The following MGMT variants were observed in gnomAD, a reference collection of about 807,000 sequenced individuals.
MGMT encodes methylated-DNA--protein-cysteine methyltransferase.
MGMT carries 14 observed loss-of-function variants against 15.9 expected under a neutral mutation model. The ratio of observed to expected loss-of-function variants is 0.88; its 90% CI spans 0.58 to 1.37. The LOEUF (loss-of-function observed/expected upper bound fraction) is 1.37, where lower values mean the gene tolerates loss of function less well. Ranked by LOEUF, MGMT falls within the 40% of genes most tolerant of loss-of-function variation. The pLI is 0.00. For missense variants in MGMT, 282 were observed against 268.1 expected (o/e 1.05, Z -0.36); for synonymous variants, 130 against 118.2 (o/e 1.10, Z -0.65).
intron 1 of MGMT, among the ~76,000 whole-genome samples, chr10:129,486,008 G>C (rs960773666): frequency 3.9e-5 from 6 of 152,144 alleles, no homozygotes; most frequent in African/African-American, 1.2e-4. Context: ...TTTTCAAGAA[G>C]ACTTAATTTA....
chr10:129,657,454 G>T (rs1458693764), intron 2 of MGMT, among the ~76,000 whole-genome samples: 1 of 151,656 alleles, frequency 6.6e-6, no homozygotes, highest in African/African-American at 2.4e-5. Context: ...GCCCTGAGGC[G>T]CCCCTTGTCT....
In MGMT at chr10:129,767,302, G is replaced by T; in HGVS notation, c.*305G>T. On this transcript the variant is annotated 3_prime_UTR_variant, in exon 5 of 5. Coordinates refer to ENST00000651593, the MANE Select transcript of MGMT (RefSeq NM_002412.5). ...GGATGGGGCAGTCTGGCACCCTCAG[G>T]CCACAGACGGCTGCCATAGCCGCTG... is the stretch of plus-strand genomic sequence containing the variant. 1 of 233,452 alleles carries T rather than the reference G, an allele frequency of 4.3e-6. No homozygotes were observed. Among genetic ancestry groups the T allele is most frequent in the Non-Finnish European group, 8.3e-6 (1 of 120,954 alleles). The allele number at this position is 233,452 out of a possible 1,614,324, so 14.5% of individuals were successfully genotyped here.
chr10:129,521,432 C>T (rs945248188), intron 1 of MGMT, among the ~76,000 whole-genome samples: 3 of 152,158 alleles, frequency 2.0e-5, no homozygotes, highest in Non-Finnish European at 4.4e-5. Flanking sequence ...AAGATTCTTC[C>T]AGATTACTGG....
chr10:129,654,296 G>A (rs1365565675), intron 2 of MGMT, among the ~76,000 whole-genome samples: 4 of 152,152 alleles, frequency 2.6e-5, no homozygotes, highest in South Asian at 2.1e-4. Context: ...GGTGCAGGGC[G>A]TGGAGCAGGT....
At chr10:129,731,009 G>C (rs779002676) in intron 3 of MGMT, among the ~76,000 whole-genome samples, 1 of 152,178 alleles carries the variant, frequency 6.6e-6, no homozygotes, top group African/African-American at 2.4e-5. Flanking sequence ...CAAGGATGTG[G>C]TGCCTCACCT....
At chr10:129,754,366 A>G (rs539890254) in intron 3 of MGMT, among the ~76,000 whole-genome samples, 1 of 152,296 alleles carries the variant, frequency 6.6e-6, no homozygotes, top group African/African-American at 2.4e-5. Context: ...ACAGAGGTAA[A>G]GAGCAAAGAC....
intron 2 of MGMT, among the ~76,000 whole-genome samples, chr10:129,706,065 T>C (rs935410732): frequency 1.3e-5 from 2 of 152,256 alleles, no homozygotes; most frequent in Non-Finnish European, 2.9e-5. Flanking sequence ...CGGTGCCTTC[T>C]GCCTCTTGCC....
chr10:129,592,814 G>GA (rs1846704194), intron 2 of MGMT, among the ~76,000 whole-genome samples: 1 of 150,466 alleles, frequency 6.6e-6, no homozygotes, highest in South Asian at 2.1e-4. Flanking sequence ...TTTTTTTTTG[G>GA]AAAAATGGTT....
chr10:129,714,554 A>T (rs1166311629), intron 3 of MGMT, among the ~76,000 whole-genome samples: 1 of 152,108 alleles, frequency 6.6e-6, no homozygotes, highest in Non-Finnish European at 1.5e-5. Flanking sequence ...ATAAATTTTT[A>T]TACTTCTTAC....
chr10:129,662,445 G>T (rs139934560), intron 2 of MGMT, among the ~76,000 whole-genome samples: 1 of 152,182 alleles, frequency 6.6e-6, no homozygotes, highest in Admixed American at 6.5e-5. Flanking sequence ...GATTACAGAC[G>T]CTATAAAAGA....
At chr10:129,635,402 G>C (rs746498254) in intron 2 of MGMT, among the ~76,000 whole-genome samples, 2 of 152,198 alleles carry the variant, frequency 1.3e-5, no homozygotes, top group Admixed American at 6.5e-5. Context: ...GTGCCCCTCC[G>C]GGTGCCCGGA....
At chr10:129,623,470 C>T (rs1262186675) in intron 2 of MGMT, among the ~76,000 whole-genome samples, 2 of 152,052 alleles carry the variant, frequency 1.3e-5, no homozygotes, top group African/African-American at 4.8e-5. Flanking sequence ...TAGATCAGCC[C>T]GTGCCTGGCA....
intron 1 of MGMT, among the ~76,000 whole-genome samples, chr10:129,484,497 G>A (rs1203881069): frequency 6.6e-6 from 1 of 151,944 alleles, no homozygotes; most frequent in Non-Finnish European, 1.5e-5. Flanking sequence ...GTCATATGTG[G>A]GTTCTCCTCT....
rs1028220338 is a variant in MGMT at position 129,635,831 on chromosome 10, C to T, written c.126-72064C>T. ...CTGAGGACCCTCTTACAAGCTGGTA[C>T]GGGAAGACCAGGCCTGCATCTGTCA... is the stretch of plus-strand genomic sequence containing the variant. On this transcript the variant is annotated intron_variant, in intron 2 of 4. Transcript: ENST00000651593. Among the ~76,000 whole-genome samples, 7 of 152,220 alleles carry T rather than the reference C, an allele frequency of 4.6e-5. 1 individual carries two copies. The highest frequency in any genetic ancestry group is 2.1e-4 in the South Asian group (1 of 4,824).
chr10:129,690,779 C>G (rs566980113), intron 2 of MGMT, among the ~76,000 whole-genome samples: 39 of 152,270 alleles, frequency 2.6e-4, no homozygotes, highest in African/African-American at 8.9e-4. Context: ...TTGGCCAGAT[C>G]GGCTGGAGCT....
chr10:129,641,177 C>T (rs1003834264), intron 2 of MGMT, among the ~76,000 whole-genome samples: 1 of 152,158 alleles, frequency 6.6e-6, no homozygotes, highest in African/African-American at 2.4e-5. Context: ...TATATACTAG[C>T]AATGAATATT....
At chr10:129,534,982 G>T (rs945002648) in intron 1 of MGMT, among the ~76,000 whole-genome samples, 21 of 152,180 alleles carry the variant, frequency 1.4e-4, no homozygotes, top group Non-Finnish European at 7.3e-5. Flanking sequence ...GCAGGAGATT[G>T]TGTGTAAATA....
chr10:129,587,081 G>A (rs111866894), intron 2 of MGMT, among the ~76,000 whole-genome samples: 5 of 151,828 alleles, frequency 3.3e-5, no homozygotes, highest in Admixed American at 1.3e-4. Flanking sequence ...GCATTGTTTC[G>A]GACCAGAAAT....
At chr10:129,674,546 G>T (rs1847762989) in intron 2 of MGMT, among the ~76,000 whole-genome samples, 1 of 152,248 alleles carries the variant, frequency 6.6e-6, no homozygotes, top group South Asian at 2.1e-4. Context: ...GGCCTTGATG[G>T]AAATGCAAAT....
Sources: gnomAD v4.1 joint callset for allele counts (sites outside exome capture counted in the v4.1 genomes callset) on GRCh38, gnomAD v4.1.1 for gene constraint, MANE v1.5 for transcripts, NCBI Gene and HGNC (gene_info 2026-07-23, HGNC 2026-07-21) for gene names.